The following CASD1 variants were observed in gnomAD, a reference collection of about 807,000 sequenced individuals.
The protein encoded by CASD1 is N-acetylneuraminate (7)9-O-acetyltransferase.
In CASD1, 41 loss-of-function variants were observed where a neutral mutation model predicts 100.0. That is an observed-to-expected ratio of 0.41 (90% CI 0.32 to 0.53). CASD1 has a LOEUF of 0.53. CASD1 is among the 20% of genes least tolerant of loss of function. The pLI, the probability that CASD1 is intolerant of heterozygous loss-of-function variation, is 0.25. For synonymous variants in CASD1, 321 were observed against 315.6 expected (o/e 1.02, Z -0.18); for missense variants, 774 against 948.7 (o/e 0.82, Z 2.42).
chr7:94,597,822 C>T, the CASD1 span: 1 of 152,240 alleles, frequency 6.6e-6, no homozygotes, highest in Non-Finnish European at 1.5e-5. Context: ...GCCTGGCCAA[C>T]ATGGTGAAAC....
the CASD1 span, among the ~76,000 whole-genome samples, chr7:94,605,413 T>A: frequency 6.6e-6 from 1 of 150,564 alleles, no homozygotes; most frequent in East Asian, 1.9e-4. Context: ...AACAGATAAC[T>A]TGTTTAAAAT....
In CASD1 at chr7:94,517,606, A is replaced by G; in HGVS notation, c.180A>G (p.Gly60=). Reference sequence around the variant, plus strand: ...TTCTCTCAAGTGGCAGATTTCTTGGAGAGAAAGTTTGGCAACCTCACAGTT... The same window carrying G: ...TTCTCTCAAGTGGCAGATTTCTTGGGGAGAAAGTTTGGCAACCTCACAGTT... ...EYLLSSGRFL[G]EKVWQPHSCM... The change falls in exon 2 of 18, where the codon GGA becomes GGG. Residue 60 remains glycine, a synonymous_variant. Coordinates refer to ENST00000297273, the MANE Select transcript of CASD1 (RefSeq NM_022900.5). 3 of 1,612,986 alleles carry G rather than the reference A, an allele frequency of 1.9e-6. No individual in the cohort carries two copies. The highest frequency in any genetic ancestry group is 3.3e-5 in the Admixed American group (2 of 59,828).
the CASD1 span, chr7:94,599,728 A>G: frequency 6.3e-7 from 1 of 1,580,746 alleles, no homozygotes. Flanking sequence ...TTTTCCCTAG[A>G]AACAAAACAA....
chr7:94,614,287 A>G, the CASD1 span, among the ~76,000 whole-genome samples: 2 of 152,188 alleles, frequency 1.3e-5, no homozygotes, highest in Admixed American at 6.5e-5. Context: ...AATGGATGCT[A>G]TTGGGTCCCC....
chr7:94,515,415 GT>G (rs33945937), intron 1 of CASD1, among the ~76,000 whole-genome samples: 31,054 of 146,420 alleles, frequency 0.21, 5,157 homozygotes, highest in African/African-American at 0.47. Context: ...TTTTGCTATG[GT>G]TTTTTTTTTT....
intron 4 of CASD1, 113 bp downstream of exon 4, chr7:94,527,319 G>A (rs1265359783): frequency 8.0e-6 from 6 of 749,092 alleles, no homozygotes; most frequent in East Asian, 2.7e-5. Context: ...AAGAATATTA[G>A]GATAGTGGAA....
Position 94,554,543 on chromosome 7 carries a change from T to C in CASD1, c.2095T>C (p.Phe699Leu). The C allele has an allele frequency of 6.2e-7, 1 of 1,612,174 alleles. No individual in the cohort carries two copies. Among genetic ancestry groups the C allele is most frequent in the Non-Finnish European group, 8.5e-7 (1 of 1,178,760 alleles). Residue 699 changes from phenylalanine to leucine, a missense_variant, in exon 17 of 18, where the codon TTT becomes CTT. Around this residue, in one of 5 missense-constraint regions of CASD1, gnomAD observed 175 missense variants for 206.9 expected, o/e 0.85. Transcript: ENST00000297273. ...PGYARSVYSS[F>L]FAWFGKISLE... ...ATATGCCCGTTCAGTTTACAGTTCA[T>C]TTTTTGCTTGGTTTGGAAAAATTTC...
At chr7:94,588,192 G>A in the CASD1 span, 28 of 1,071,776 alleles carry the variant, frequency 2.6e-5, no homozygotes, top group Middle Eastern at 4.4e-4. Context: ...AGAATTGTCC[G>A]CCATCTTGTT....
At chr7:94,581,504 T>G in the CASD1 span, among the ~76,000 whole-genome samples, 2 of 152,194 alleles carry the variant, frequency 1.3e-5, no homozygotes, top group Admixed American at 1.3e-4. Flanking sequence ...CTACTAGATA[T>G]TCTTCCTGAT....
chr7:94,595,717 G>T, the CASD1 span, among the ~76,000 whole-genome samples: 1 of 152,038 alleles, frequency 6.6e-6, no homozygotes, highest in South Asian at 2.1e-4. Flanking sequence ...AAAAGTAAAA[G>T]TTGAATTTGC....
chr7:94,564,244 C>T, the CASD1 span, among the ~76,000 whole-genome samples: 1 of 152,190 alleles, frequency 6.6e-6, no homozygotes, highest in African/African-American at 2.4e-5. Context: ...TCTGGCACAA[C>T]AGTTGTGGTC....
the CASD1 span, among the ~76,000 whole-genome samples, chr7:94,604,029 T>G: frequency 6.6e-6 from 1 of 152,150 alleles, no homozygotes; most frequent in African/African-American, 2.4e-5. Flanking sequence ...CAATCTTTTA[T>G]CTAAGACATT....
the CASD1 span, among the ~76,000 whole-genome samples, chr7:94,596,317 A>G: frequency 6.6e-6 from 1 of 152,144 alleles, no homozygotes; most frequent in Non-Finnish European, 1.5e-5. Context: ...TATTTTCAAT[A>G]TATGTGGTTA....
At chr7:94,607,841 T>G in the CASD1 span, among the ~76,000 whole-genome samples, 2 of 152,220 alleles carry the variant, frequency 1.3e-5, no homozygotes, top group Non-Finnish European at 2.9e-5. Context: ...AATACTGTCT[T>G]TCTTTGCAGA....
chr7:94,565,052 A>G, the CASD1 span, among the ~76,000 whole-genome samples: 3 of 152,084 alleles, frequency 2.0e-5, no homozygotes, highest in South Asian at 6.2e-4. Context: ...GTTAAGTAGC[A>G]CAGTAATTCG....
At chr7:94,587,563 C>CT in the CASD1 span, 2 of 1,325,684 alleles carry the variant, frequency 1.5e-6, no homozygotes, top group Non-Finnish European at 1.9e-6. Flanking sequence ...ATTCATTTAT[C>CT]TTTTTTCTCT....
At chr7:94,582,434 A>C in the CASD1 span, among the ~76,000 whole-genome samples, 2 of 151,800 alleles carry the variant, frequency 1.3e-5, no homozygotes, top group Admixed American at 6.6e-5. Flanking sequence ...GCTTTTTTTC[A>C]TATGTTTTTT....
the CASD1 span, among the ~76,000 whole-genome samples, chr7:94,622,826 A>G: frequency 6.6e-6 from 1 of 152,146 alleles, no homozygotes; most frequent in Admixed American, 6.5e-5. Context: ...ACTATAAACT[A>G]TTTAGGAAGG....
chr7:94,596,104 T>TG, the CASD1 span, among the ~76,000 whole-genome samples: 1 of 152,112 alleles, frequency 6.6e-6, no homozygotes, highest in Non-Finnish European at 1.5e-5. Flanking sequence ...TTTAAATTGT[T>TG]GCAAGTTCAA....
Sources: gnomAD v4.1 joint callset for allele counts (sites outside exome capture counted in the v4.1 genomes callset) on GRCh38, gnomAD v4.1.1 for gene constraint, gnomAD v4.1.1 regional missense constraint, MANE v1.5 for transcripts, NCBI Gene and HGNC (gene_info 2026-07-23, HGNC 2026-07-21) for gene names.